Variants in TRPM5 observed in about 807,000 individuals in gnomAD.
TRPM5 encodes the protein transient receptor potential cation channel subfamily M member 5, also known as MLSN1 and TRP-related.
TRPM5 carries 121 observed loss-of-function variants against 124.9 expected under a neutral mutation model. That is an observed-to-expected ratio of 0.97 (90% CI 0.84 to 1.13). The LOEUF (loss-of-function observed/expected upper bound fraction) is 1.13, where lower values mean the gene tolerates loss of function less well. TRPM5 is among the 50% of genes most tolerant of loss of function. TRPM5 has a pLI of 0.00. For missense variants in TRPM5, 1,643 were observed against 1,589.1 expected (o/e 1.03, Z -0.58); for synonymous variants, 781 against 700.5 (o/e 1.11, Z -1.81).
chr11:2,414,026 C>T, intron 12 of TRPM5, 35 bp downstream of exon 17: 1 of 1,543,150 alleles, frequency 6.5e-7, no homozygotes, highest in Non-Finnish European at 8.7e-7. Context: ...CACCCCACCC[C>T]CTGGCAGCTC....
Position 2,420,618 on chromosome 11 carries a change from T to G in TRPM5, c.466-213A>C, listed in dbSNP as rs1589875146. ...CTTCGACAGTCAGGGGCAGGGGCGG[T>G]GGGGAGCGGGTTCTTTTAGACAGAA... On this transcript the variant is annotated intron_variant, in intron 3 of 23. Coordinates refer to ENST00000155858, the Ensembl canonical transcript of TRPM5. Among the ~76,000 whole-genome samples, 3 of 152,070 alleles carry G rather than the reference T, an allele frequency of 2.0e-5. No individual in the cohort carries two copies. In the South Asian group the frequency reaches 6.2e-4, roughly 32 times the overall value.
exon 10 of TRPM5, chr11:2,414,940 G>T: frequency 6.2e-7 from 1 of 1,606,252 alleles, no homozygotes; most frequent in Non-Finnish European, 8.5e-7. Flanking sequence ...TCTCGTGGCG[G>T]TTCTGCAGCA....
intron 12 of TRPM5, 40 bp downstream of exon 17, chr11:2,414,021 C>CCCCCCCCCCCCCCG: frequency 1.3e-6 from 2 of 1,526,808 alleles, no homozygotes; most frequent in South Asian, 1.2e-5. Flanking sequence ...CCGCCCACCC[C>CCCCCCCCCCCCCCG]ACCCCCTGGC....
At chr11:2,421,949 G>T (rs957370217) in intron 2 of TRPM5, among the ~76,000 whole-genome samples, 192 bp downstream of exon 7, 9 of 151,942 alleles carry the variant, frequency 5.9e-5, no homozygotes, top group Non-Finnish European at 1.0e-4. Flanking sequence ...ATGTTCTCGT[G>T]ATGGCCTGGA....
At chr11:2,435,082 G>C in the TRPM5 span, among the ~76,000 whole-genome samples, 1 of 152,136 alleles carries the variant, frequency 6.6e-6, no homozygotes, top group Non-Finnish European at 1.5e-5. The surrounding 1 kb of genome is among the most constrained non-coding windows in gnomAD (Gnocchi z 4.1). Flanking sequence ...TTACAGGCAT[G>C]AGCCACCACA....
Position 2,413,236 on chromosome 11 carries a change from C to T in TRPM5, c.2004-10G>A, listed in dbSNP as rs1174413195. On this transcript the variant is annotated splice_polypyrimidine_tract_variant and intron_variant, in intron 13 of 23. Transcript: ENST00000155858. ...CAGGGGAGCTTCCTCACTGCGAGCA[C>T]AGGAGAGCTCAGGGCCCGCAGGAAG... 2 of 1,535,000 alleles carry T rather than the reference C, an allele frequency of 1.3e-6. No homozygotes were observed. The highest frequency in any genetic ancestry group is 2.4e-5 in the East Asian group (1 of 40,826).
chr11:2,434,517 T>G, the TRPM5 span, among the ~76,000 whole-genome samples: 1 of 151,108 alleles, frequency 6.6e-6, no homozygotes, highest in Non-Finnish European at 1.5e-5. Flanking sequence ...GTGGATGCTG[T>G]GTCTGTGAGA....
chr11:2,419,318 G>A (rs189066785), intron 4 of TRPM5, among the ~76,000 whole-genome samples: 334 of 152,268 alleles, frequency 2.2e-3, no homozygotes, highest in Non-Finnish European at 4.1e-3. Flanking sequence ...TCTAAAGAGT[G>A]CTCAGTTGAC....
At chr11:2,414,184 G>A (rs1180311545) in exon 12 of TRPM5, 2 of 1,609,848 alleles carry the variant, frequency 1.2e-6, no homozygotes, top group Non-Finnish European at 1.7e-6. Context: ...CCTCACTGTT[G>A]CTGTAGCACT....
intron 1 of TRPM5, 84 bp from the exon 7 acceptor site, chr11:2,422,405 G>T: frequency 8.4e-7 from 1 of 1,184,520 alleles, no homozygotes; most frequent in Non-Finnish European, 1.2e-6. Flanking sequence ...GACACAAGGG[G>T]GCACTGGGGA....
At chr11:2,413,985 G>A in intron 12 of TRPM5, 76 bp downstream of exon 17, 1 of 1,525,600 alleles carries the variant, frequency 6.6e-7, no homozygotes, top group Non-Finnish European at 8.8e-7. Flanking sequence ...AGGCTGGGAA[G>A]TCAACTCAAG....
intron 12 of TRPM5, 42 bp downstream of exon 17, chr11:2,414,019 C>T (rs1461489112): frequency 1.3e-6 from 2 of 1,519,900 alleles, no homozygotes; most frequent in South Asian, 1.2e-5. Context: ...GCCCGCCCAC[C>T]CCACCCCCTG....
intron 12 of TRPM5, 125 bp downstream of exon 17, chr11:2,413,936 C>A (rs1054272558): frequency 2.2e-6 from 3 of 1,334,386 alleles, no homozygotes; most frequent in Non-Finnish European, 1.0e-6. Flanking sequence ...CCCCACCCCG[C>A]CCCCTCTGTG....
rs192131773 is a variant in TRPM5, at chr11:2,405,735, G to T, written c.3325-142C>A. 343 of 924,312 alleles carry T rather than the reference G, an allele frequency of 3.7e-4. No individual in the cohort carries two copies. The African/African-American group carries it at 4.9e-3, about 13-fold the overall frequency. The allele number at this position is 924,312 out of a possible 1,614,324, so 57.3% of individuals were successfully genotyped here. Reference sequence around the variant, plus strand: ...TCTGAGAGCTGCCGCTCACAGGCAGGGGTGAGTGAGGCTCCCGTGAGGCGT... The same window carrying T: ...TCTGAGAGCTGCCGCTCACAGGCAGTGGTGAGTGAGGCTCCCGTGAGGCGT... On this transcript the variant is annotated intron_variant, in intron 22 of 23. Transcript: ENST00000155858.
At chr11:2,418,202 A>T (rs371444028) in exon 6 of TRPM5, 55 of 1,583,888 alleles carry the variant, frequency 3.5e-5, no homozygotes, top group Non-Finnish European at 4.7e-5. Context: ...TCCCAAGAGA[A>T]ATGCTTGCTG....
At chr11:2,417,402 C>G (rs1845701849) in intron 7 of TRPM5, among the ~76,000 whole-genome samples, 1 of 152,160 alleles carries the variant, frequency 6.6e-6, no homozygotes, top group South Asian at 2.1e-4. Flanking sequence ...TTGCAGTGAG[C>G]CGAGATCGCA....
intron 3 of TRPM5, among the ~76,000 whole-genome samples, chr11:2,420,692 G>A (rs1433907978): frequency 3.9e-5 from 6 of 152,202 alleles, no homozygotes; most frequent in African/African-American, 7.2e-5. Flanking sequence ...CCGACTCTAG[G>A]GCTGGCGTCC....
At chr11:2,410,756 A>C (rs886119527) in intron 18 of TRPM5, 37 of 444,206 alleles carry the variant, frequency 8.3e-5, no homozygotes, top group Admixed American at 2.0e-4. Flanking sequence ...ACCCATAGGC[A>C]TGGGCAGGCC....
the TRPM5 span, among the ~76,000 whole-genome samples, chr11:2,428,607 G>A: frequency 6.6e-6 from 1 of 151,938 alleles, no homozygotes; most frequent in Non-Finnish European, 1.5e-5. This position sits in a 1 kb window ranked among gnomAD's most constrained non-coding sequence, Gnocchi z 4.0. Flanking sequence ...GGGTAGTTGG[G>A]GTGGTGATGG....
Sources: allele counts gnomAD v4.1 joint callset (sites outside exome capture counted in the v4.1 genomes callset), GRCh38; gene constraint gnomAD v4.1.1; non-coding constraint Gnocchi (gnomAD v3.1); transcripts MANE v1.5; gene names NCBI Gene and HGNC (gene_info 2026-07-23, HGNC 2026-07-21).